ANK3: variants seen among roughly 807,000 people sequenced by gnomAD.
ANK3 encodes the protein ankyrin-3.
A neutral mutation model predicts 370.9 loss-of-function variants in ANK3; 57 were observed. That is an observed-to-expected ratio of 0.15 (90% CI 0.12 to 0.19). The LOEUF is 0.19. Ranked by LOEUF, ANK3 falls within the 10% of genes least tolerant of loss-of-function variation. ANK3 has a pLI of 1.00. For synonymous variants in ANK3, 1,929 were observed against 1,946.3 expected, an observed-to-expected ratio of 0.99 and a Z score of 0.23; for missense variants, 4,439 against 5,302.1, an observed-to-expected ratio of 0.84 and a Z score of 5.06.
intron 1 of ANK3, among the ~76,000 whole-genome samples, chr10:60,368,529 C>A (rs1337972765): frequency 6.6e-6 from 1 of 152,092 alleles, no homozygotes; most frequent in Non-Finnish European, 1.5e-5. Context: ...ACGCCCTACA[C>A]AAAGGGAGTA....
rs181838208 is a variant in ANK3 at position 60,151,027 on chromosome 10, A to G, written c.2615-11940T>C. On this transcript the variant is annotated intron_variant, in intron 23 of 43. Coordinates refer to ENST00000280772, the MANE Select transcript of ANK3 (RefSeq NM_020987.5). ...TTGAGACTGACTCCTTAATATAATTAGGACTAATAGTACTTTAAATTAGGG... is the reference window on the plus strand; with the variant it reads ...TTGAGACTGACTCCTTAATATAATTGGGACTAATAGTACTTTAAATTAGGG... Among the ~76,000 whole-genome samples, 174 of 152,324 alleles carry G rather than the reference A, an allele frequency of 1.1e-3. 2 individuals are homozygous for G. Among genetic ancestry groups the G allele is most frequent in the African/African-American group, 3.8e-3 (158 of 41,574 alleles).
rs1305707810 is a variant in ANK3 at position 60,713,804 on chromosome 10, C to G, written c.57+19459G>C. Among the ~76,000 whole-genome samples the G allele has an allele frequency of 5.3e-5, 8 of 152,022 alleles. No individual in the cohort carries two copies. The South Asian group carries it at 1.5e-3, about 28-fold the overall frequency. On this transcript the variant is annotated intron_variant, in intron 1 of 43. Transcript: ENST00000373827. Reference sequence around the variant, plus strand: ...ACTCGGGAGGCTGAGGCAAGAGAATCACTTGAACCTGGGAGGCAGAGGCTA... The same window carrying G: ...ACTCGGGAGGCTGAGGCAAGAGAATGACTTGAACCTGGGAGGCAGAGGCTA...
At chr10:60,139,134 A>G in intron 23 of ANK3, 47 bp from the exon 24 acceptor site, 2 of 1,597,112 alleles carry the variant, frequency 1.3e-6, no homozygotes, top group Non-Finnish European at 1.7e-6. Flanking sequence ...CCCTTTTGAA[A>G]GTGTCAGCTG....
chr10:60,336,095 G>A (rs1010937283), intron 1 of ANK3, among the ~76,000 whole-genome samples: 18 of 152,160 alleles, frequency 1.2e-4, no homozygotes, highest in African/African-American at 4.1e-4. Context: ...TTTGGCGGGG[G>A]GGGGAAGCTG....
At chr10:60,235,761 C>T (rs1421044513) in intron 7 of ANK3, among the ~76,000 whole-genome samples, 1 of 152,052 alleles carries the variant, frequency 6.6e-6, no homozygotes, top group African/African-American at 2.4e-5. Context: ...GAATCAATTA[C>T]ATCATAAATG....
At chr10:60,413,113 A>G (rs1473676695) in intron 2 of ANK3, among the ~76,000 whole-genome samples, 1 of 152,250 alleles carries the variant, frequency 6.6e-6, no homozygotes, top group African/African-American at 2.4e-5. Flanking sequence ...ACTAATATTG[A>G]GCCTTTTTAT....
intron 2 of ANK3, among the ~76,000 whole-genome samples, chr10:60,517,484 T>C (rs917980515): frequency 4.6e-5 from 7 of 152,098 alleles, no homozygotes; most frequent in Admixed American, 4.6e-4. Flanking sequence ...ACCCAGAACA[T>C]GCACCCTTTG....
At chr10:60,048,057 A>C (rs944403902) in intron 42 of ANK3, among the ~76,000 whole-genome samples, 10 of 152,228 alleles carry the variant, frequency 6.6e-5, no homozygotes, top group Non-Finnish European at 1.3e-4. Flanking sequence ...AATCGCCGTC[A>C]CCTCATTTAT....
At chr10:60,627,510 G>A (rs923464672) in intron 1 of ANK3, among the ~76,000 whole-genome samples, 1 of 152,006 alleles carries the variant, frequency 6.6e-6, no homozygotes, top group Admixed American at 6.6e-5. Flanking sequence ...ATCATTGTTG[G>A]GTAGGCTTGA....
intron 4 of ANK3, among the ~76,000 whole-genome samples, chr10:60,275,444 A>T (rs1195537845): frequency 6.6e-6 from 1 of 152,108 alleles, no homozygotes; most frequent in Non-Finnish European, 1.5e-5. Context: ...AAATTTTTCT[A>T]CTCATTCTAG....
Position 60,317,057 on chromosome 10 carries a change from ATATTG to A in ANK3, c.115-37423_115-37419del. 3.3e-5 allele frequency among the ~76,000 whole-genome samples: 5 copies of A among 151,274 alleles called. No individual in the cohort carries two copies. In the Middle Eastern group the frequency reaches 0.018, roughly 540 times the overall value. On this transcript the variant is annotated intron_variant, in intron 1 of 43. Transcript: ENST00000280772. ...CACCGTGCCTGGCCCCATATTCCAT[ATATTG>A]TATGGACTTGGATTTGCACATGGCA...
chr10:60,150,814 C>T (rs1467851557), intron 23 of ANK3, among the ~76,000 whole-genome samples: 1 of 152,104 alleles, frequency 6.6e-6, no homozygotes, highest in Admixed American at 6.5e-5. Context: ...TATGCTTGTA[C>T]AACCTGTAGA....
intron 9 of ANK3, among the ~76,000 whole-genome samples, chr10:60,209,019 TA>T (rs1180465734): frequency 6.6e-6 from 1 of 152,068 alleles, no homozygotes; most frequent in Non-Finnish European, 1.5e-5. Context: ...GCAGAGAGAA[TA>T]AATAAATAGG....
At chr10:60,241,539 A>G (rs2097458448) in intron 7 of ANK3, among the ~76,000 whole-genome samples, 1 of 152,128 alleles carries the variant, frequency 6.6e-6, no homozygotes, top group Admixed American at 6.5e-5. Flanking sequence ...GGAGTCACAG[A>G]GCTTGGTGCT....
intron 1 of ANK3, among the ~76,000 whole-genome samples, chr10:60,682,783 A>T (rs1255666171): frequency 6.6e-6 from 1 of 152,232 alleles, no homozygotes; most frequent in Non-Finnish European, 1.5e-5. Flanking sequence ...TGTGTGTCCC[A>T]TACCTGGCCC....
chr10:60,226,586 T>TATATACATA (rs575559986), intron 8 of ANK3, among the ~76,000 whole-genome samples: 1 of 72,128 alleles, frequency 1.4e-5, no homozygotes, highest in Non-Finnish European at 2.4e-5. Context: ...ATATATACTA[T>TATATACATA]GTATATATAC....
chr10:60,179,169 C>A (rs2096068507), intron 18 of ANK3, among the ~76,000 whole-genome samples: 1 of 152,156 alleles, frequency 6.6e-6, no homozygotes, highest in Non-Finnish European at 1.5e-5. Flanking sequence ...TCCTTATTCA[C>A]AAAATTAAGC....
intron 28 of ANK3, among the ~76,000 whole-genome samples, chr10:60,104,195 A>AG (rs2091787809): frequency 6.6e-6 from 1 of 151,688 alleles, no homozygotes. Flanking sequence ...GTTTACCTAT[A>AG]TAACAAACCT....
chr10:60,472,896 T>C (rs755672618), intron 2 of ANK3, among the ~76,000 whole-genome samples: 7 of 152,178 alleles, frequency 4.6e-5, no homozygotes, highest in Non-Finnish European at 1.0e-4. Flanking sequence ...TATGACAGCA[T>C]CCTCTTCTTC....
Sources: gnomAD v4.1 joint callset for allele counts (sites outside exome capture counted in the v4.1 genomes callset) on GRCh38, gnomAD v4.1.1 for gene constraint, MANE v1.5 for transcripts, NCBI Gene and HGNC (gene_info 2026-07-23, HGNC 2026-07-21) for gene names.